TENM1: variants seen among roughly 807,000 people sequenced by gnomAD.
TENM1 encodes teneurin-1.
In TENM1, 35 loss-of-function variants were observed where a neutral mutation model predicts 174.8. The observed-to-expected ratio is 0.20, with a 90% CI of 0.15 to 0.27. The LOEUF (loss-of-function observed/expected upper bound fraction) is 0.27, where lower values mean the gene tolerates loss of function less well. Among genes scored for constraint, TENM1 ranks in the 10% least tolerant of loss-of-function variants. TENM1 has a pLI of 1.00. For missense variants in TENM1, 1,633 were observed against 2,130.1 expected (o/e 0.77, Z 4.59); for synonymous variants, 781 against 798.7 (o/e 0.98, Z 0.37).
At chrX:124,517,422 A>T (rs6649249) in intron 18 of TENM1, among the ~76,000 whole-genome samples, 4,844 of 109,969 alleles carry the variant, frequency 0.044, 265 homozygotes, top group African/African-American at 0.15. Context: ...CAAATGTCCA[A>T]CAATGATAGA....
intron 14 of TENM1, among the ~76,000 whole-genome samples, chrX:124,560,710 T>G (rs1177513150): frequency 8.9e-6 from 1 of 112,189 alleles, no homozygotes; most frequent in Non-Finnish European, 1.9e-5. Context: ...TAATCCTGCC[T>G]CATGTCTGAA....
chrX:124,745,852 A>AT (rs72447576), intron 3 of TENM1, among the ~76,000 whole-genome samples: 5 of 108,586 alleles, frequency 4.6e-5, no homozygotes, highest in Admixed American at 3.0e-4. Flanking sequence ...GGGCCAAAAC[A>AT]TTTTTTTTTC....
At chrX:125,152,154 C>T in the TENM1 span, among the ~76,000 whole-genome samples, 1 of 109,071 alleles carries the variant, frequency 9.2e-6, no homozygotes, top group African/African-American at 3.4e-5. Flanking sequence ...ACTCGGGAGG[C>T]TGAGGCACAA....
At chrX:125,203,678 C>G in the TENM1 span, 1 of 113,309 alleles carries the variant, frequency 8.8e-6, no homozygotes. Flanking sequence ...CGCTAACAGC[C>G]AGGAGCCGCC....
intron 3 of TENM1, among the ~76,000 whole-genome samples, chrX:124,741,599 C>T (rs1313706318): frequency 9.0e-6 from 1 of 111,501 alleles, no homozygotes; most frequent in Non-Finnish European, 1.9e-5. Flanking sequence ...TTAAGGGATA[C>T]GCGAATGCCA....
chrX:124,379,360 G>T (rs191286809), exon 32 of TENM1: 1 of 112,387 alleles, frequency 8.9e-6, no homozygotes, highest in African/African-American at 3.2e-5. Context: ...TACTTGATTC[G>T]ATTTCCTGAA....
intron 1 of TENM1, among the ~76,000 whole-genome samples, chrX:124,906,906 G>C (rs1313563226): frequency 9.0e-6 from 1 of 111,262 alleles, no homozygotes; most frequent in Non-Finnish European, 1.9e-5. Flanking sequence ...TAGTTGCCTG[G>C]ACTGGGGTGT....
At chrX:124,630,369 T>C (rs2050729445) in intron 11 of TENM1, among the ~76,000 whole-genome samples, 1 of 112,260 alleles carries the variant, frequency 8.9e-6, no homozygotes, top group South Asian at 3.7e-4. Context: ...TTTTGAGCAA[T>C]ATTTCTTAGA....
chrX:124,628,700 T>G (rs904518608), intron 11 of TENM1, among the ~76,000 whole-genome samples: 1 of 111,671 alleles, frequency 9.0e-6, no homozygotes, highest in Admixed American at 9.5e-5. Context: ...TTGTGTTGGC[T>G]AAGAGGGAGT....
chrX:124,422,327 A>G, exon 24 of TENM1: 1 of 1,211,540 alleles, frequency 8.3e-7, no homozygotes, highest in South Asian at 1.8e-5. Flanking sequence ...TGGGGGCACC[A>G]GCGATGATGT....
chrX:124,527,650 CTTTTTTTTT>C (rs996971096), intron 16 of TENM1, among the ~76,000 whole-genome samples: 1 of 92,881 alleles, frequency 1.1e-5, no homozygotes, highest in African/African-American at 3.9e-5. Flanking sequence ...TTTCTTTTTT[CTTTTTTTTT>C]TTTTTTTGAG....
chrX:124,569,174 G>A (rs1445636832), intron 11 of TENM1, among the ~76,000 whole-genome samples: 1 of 108,812 alleles, frequency 9.2e-6, no homozygotes, highest in Non-Finnish European at 1.9e-5. Flanking sequence ...CTCTAGCCTG[G>A]GCAACAGAGT....
the TENM1 span, among the ~76,000 whole-genome samples, chrX:125,160,560 A>AC: frequency 9.5e-6 from 1 of 105,227 alleles, no homozygotes; most frequent in Non-Finnish European, 2.0e-5. Context: ...AAAAAAAAAA[A>AC]AAAAAAAAAC....
intron 11 of TENM1, among the ~76,000 whole-genome samples, chrX:124,573,419 T>G (rs1053604605): frequency 7.4e-4 from 83 of 111,868 alleles, no homozygotes; most frequent in African/African-American, 2.6e-3. Context: ...TTGTTTGTAT[T>G]TATTAATTTT....
chrX:124,388,782 C>T (rs750001352), intron 28 of TENM1, among the ~76,000 whole-genome samples: 1 of 112,257 alleles, frequency 8.9e-6, no homozygotes, highest in Non-Finnish European at 1.9e-5. Flanking sequence ...CAGTGTGGGG[C>T]CACCTGGAAG....
At chrX:124,957,197 AGATG>A (rs34944662) in intron 1 of TENM1, among the ~76,000 whole-genome samples, 14,751 of 109,296 alleles carry the variant, frequency 0.13, 2,675 homozygotes, top group African/African-American at 0.47. Flanking sequence ...ACGGATGGAT[AGATG>A]GATGGATGGA....
At chrX:124,668,532 A>T (rs1361450669) in intron 6 of TENM1, among the ~76,000 whole-genome samples, 1 of 112,078 alleles carries the variant, frequency 8.9e-6, no homozygotes, top group Non-Finnish European at 1.9e-5. Context: ...AAAAAGGATA[A>T]GTTCATGTCC....
the TENM1 span, among the ~76,000 whole-genome samples, chrX:125,131,691 A>G: frequency 8.9e-6 from 1 of 111,825 alleles, no homozygotes; most frequent in African/African-American, 3.3e-5. Context: ...TATTGAAATG[A>G]AGGTCAAACC....
At chrX:124,749,737 T>A (rs1239225456) in intron 3 of TENM1, among the ~76,000 whole-genome samples, 3 of 112,245 alleles carry the variant, frequency 2.7e-5, no homozygotes, top group Non-Finnish European at 1.9e-5. Flanking sequence ...CTTTATCATA[T>A]TGGCATTAAG....
Sources: gnomAD v4.1 joint callset for allele counts (sites outside exome capture counted in the v4.1 genomes callset) on GRCh38, gnomAD v4.1.1 for gene constraint, MANE v1.5 for transcripts, NCBI Gene and HGNC (gene_info 2026-07-23, HGNC 2026-07-21) for gene names.